The following DAP3 variants were observed in gnomAD, a reference collection of about 807,000 sequenced individuals.
DAP3 encodes the protein small ribosomal subunit protein mS29.
In DAP3, 28 loss-of-function variants were observed where a neutral mutation model predicts 51.9. The observed-to-expected ratio is 0.54, with a 90% CI of 0.40 to 0.74. The LOEUF is 0.74. Among genes scored for constraint, DAP3 ranks in the 30% least tolerant of loss-of-function variants. The probability of loss-of-function intolerance (pLI) is 0.00; values close to 1 mark genes in which losing one functional copy is unlikely to be tolerated. For missense variants in DAP3, 458 were observed against 483.5 expected, an observed-to-expected ratio of 0.95 and a Z score of 0.49; for synonymous variants, 170 against 170.3, an observed-to-expected ratio of 1.00 and a Z score of 0.01.
At chr1:155,709,320 A>G (rs1370490483) in intron 1 of DAP3, among the ~76,000 whole-genome samples, 3 of 151,824 alleles carry the variant, frequency 2.0e-5, no homozygotes, top group Non-Finnish European at 4.4e-5. Context: ...TAATTTTTAT[A>G]TTTTTTGTAA....
At chr1:155,731,690 G>A (rs924604416) in intron 10 of DAP3, among the ~76,000 whole-genome samples, 5 of 152,120 alleles carry the variant, frequency 3.3e-5, no homozygotes, top group African/African-American at 9.7e-5. Context: ...CATTTAAAGT[G>A]TTTTTGTATC....
chr1:155,711,428 G>A (rs1201265977), intron 2 of DAP3, among the ~76,000 whole-genome samples: 1 of 152,102 alleles, frequency 6.6e-6, no homozygotes. Flanking sequence ...AAGAGGTAGA[G>A]GTTGCAGTGA....
intron 11 of DAP3, among the ~76,000 whole-genome samples, chr1:155,735,184 G>C (rs1288799118): frequency 6.6e-6 from 1 of 152,088 alleles, no homozygotes; most frequent in Non-Finnish European, 1.5e-5. Context: ...CGAAGGCTGA[G>C]GTGGGAGAAT....
At chr1:155,709,912 T>G (rs1656486648) in intron 2 of DAP3, 88 bp downstream of exon 2, 6 of 1,288,326 alleles carry the variant, frequency 4.7e-6, no homozygotes, top group African/African-American at 2.9e-5. Context: ...GTATCTAGAG[T>G]GAAATGCTCT....
intron 1 of DAP3, among the ~76,000 whole-genome samples, 200 bp from the exon 2 acceptor site, chr1:155,709,573 A>T (rs1656438816): frequency 6.6e-6 from 1 of 152,044 alleles, no homozygotes; most frequent in Non-Finnish European, 1.5e-5. Flanking sequence ...TGGGTTCACT[A>T]GCCTTTTGTG....
chr1:155,709,630 T>A (rs1656444449), intron 1 of DAP3, 143 bp from the exon 2 acceptor site: 11 of 560,956 alleles, frequency 2.0e-5, no homozygotes, highest in South Asian at 6.5e-5. Context: ...CTCATTTTTT[T>A]AATGAAGCTG....
At chr1:155,705,953 G>A (rs1218007981) in intron 1 of DAP3, among the ~76,000 whole-genome samples, 5 of 151,866 alleles carry the variant, frequency 3.3e-5, no homozygotes, top group Admixed American at 6.6e-5. Context: ...CATCCATCTC[G>A]GCCTCCCAAA....
chr1:155,718,716 A>C (rs1395349692), intron 3 of DAP3, among the ~76,000 whole-genome samples: 1 of 133,040 alleles, frequency 7.5e-6, no homozygotes, highest in South Asian at 2.3e-4. Flanking sequence ...AGATAGATAG[A>C]TAGATAGATA....
intron 1 of DAP3, among the ~76,000 whole-genome samples, chr1:155,707,074 A>C (rs1290968637): frequency 5.8e-5 from 8 of 138,648 alleles, no homozygotes; most frequent in African/African-American, 1.9e-4. Context: ...CTGGGCAACA[A>C]GAGCGAAACT....
chr1:155,729,487 A>G, intron 9 of DAP3, 121 bp downstream of exon 9: 1 of 1,355,260 alleles, frequency 7.4e-7, no homozygotes, highest in Non-Finnish European at 1.0e-6. Context: ...ATTTGAAGAT[A>G]AACAGTAAAG....
At chr1:155,730,019 G>A (rs1182442251) in intron 9 of DAP3, among the ~76,000 whole-genome samples, 1 of 151,010 alleles carries the variant, frequency 6.6e-6, no homozygotes, top group Non-Finnish European at 1.5e-5. Flanking sequence ...GGCGGAGGTT[G>A]CAGTGAGCCG....
intron 6 of DAP3, 29 bp downstream of exon 6, chr1:155,726,048 T>C (rs774355418): frequency 6.3e-7 from 1 of 1,586,472 alleles, no homozygotes; most frequent in South Asian, 1.1e-5. Flanking sequence ...TTCTTCTGTC[T>C]GTTAGGTTTA....
rs775041378 is a variant in DAP3, at chr1:155,717,138, T to A, written c.168+10T>A. The A allele has an allele frequency of 2.5e-6, 4 of 1,613,512 alleles. No homozygotes were observed. The highest frequency in any genetic ancestry group is 3.4e-6 in the Non-Finnish European group (4 of 1,179,896). ...CAATGAGAATGACCCGGTGAGTTAC[T>A]AATATGTATATGGGGTTTCTCAGGG... On this transcript the variant is annotated intron_variant, in intron 3 of 12. Coordinates refer to ENST00000368336, the MANE Select transcript of DAP3 (RefSeq NM_004632.4).
chr1:155,734,757 A>G (rs537454782), intron 11 of DAP3, among the ~76,000 whole-genome samples: 1 of 152,296 alleles, frequency 6.6e-6, no homozygotes, highest in South Asian at 2.1e-4. Flanking sequence ...ACATGTTTAT[A>G]CACATCCACA....
chr1:155,690,730 T>C (rs1278269770), intron 1 of DAP3, among the ~76,000 whole-genome samples: 1 of 141,854 alleles, frequency 7.0e-6, no homozygotes, highest in Non-Finnish European at 1.5e-5. Context: ...AACTCTTCTG[T>C]AAATTTACAC....
chr1:155,721,715 A>G (rs1192914256), intron 4 of DAP3, 97 bp downstream of exon 4: 3 of 1,187,166 alleles, frequency 2.5e-6, no homozygotes, highest in Non-Finnish European at 3.7e-6. Flanking sequence ...TAAAAAGATG[A>G]AATTTAATCT....
intron 4 of DAP3, among the ~76,000 whole-genome samples, chr1:155,723,903 G>T (rs1457372812): frequency 1.3e-5 from 2 of 152,056 alleles, no homozygotes; most frequent in Non-Finnish European, 2.9e-5. Context: ...GCTGGGCGTG[G>T]TGGCACACGC....
chr1:155,694,387 G>A lies in DAP3; in HGVS notation c.-8+5213G>A, dbSNP rs373485166. Among the ~76,000 whole-genome samples, 22 of 141,788 alleles carry A rather than the reference G, an allele frequency of 1.6e-4. 5 individuals are homozygous for A. The highest frequency in any genetic ancestry group is 5.1e-4 in the African/African-American group (16 of 31,296). The allele number at this position is 141,788 out of a possible 152,430, so 93.0% of individuals were successfully genotyped here. On this transcript the variant is annotated intron_variant, in intron 1 of 12. Coordinates refer to ENST00000368336, the MANE Select transcript of DAP3 (RefSeq NM_004632.4). ...GCCTAATTAAAGGTGGAAATGGGAC[G>A]TATGCCCAATAGGTATAATTTTGGT...
At chr1:155,731,766 A>G (rs1158047949) in intron 10 of DAP3, among the ~76,000 whole-genome samples, 178 bp from the exon 11 acceptor site, 2 of 152,188 alleles carry the variant, frequency 1.3e-5, no homozygotes, top group Non-Finnish European at 2.9e-5. Context: ...AAAATCAGGT[A>G]GCAGTTTATT....
Sources: allele counts gnomAD v4.1 joint callset (sites outside exome capture counted in the v4.1 genomes callset), GRCh38; gene constraint gnomAD v4.1.1; transcripts MANE v1.5; gene names NCBI Gene and HGNC (gene_info 2026-07-23, HGNC 2026-07-21).